The following MLIP variants were observed in gnomAD, a reference collection of about 807,000 sequenced individuals.
The protein encoded by MLIP is muscular LMNA-interacting protein.
Under a neutral mutation model 84.8 loss-of-function variants are expected in MLIP, and 79 were observed. That is an observed-to-expected ratio of 0.93 (90% confidence interval 0.78 to 1.12). The LOEUF (loss-of-function observed/expected upper bound fraction) is 1.12, where lower values mean the gene tolerates loss of function less well. MLIP is among the 50% of genes most tolerant of loss of function. MLIP has a pLI of 0.00. For missense variants in MLIP, 1,257 were observed against 1,160.6 expected (o/e 1.08, Z -1.21); for synonymous variants, 504 against 463.0 (o/e 1.09, Z -1.14).
intron 9 of MLIP, among the ~76,000 whole-genome samples, chr6:54,174,786 C>T (rs963336083): frequency 4.6e-5 from 7 of 151,634 alleles, no homozygotes; most frequent in South Asian, 2.1e-4. Flanking sequence ...CTTTGATTGC[C>T]GGTGCTTGTG....
Position 54,105,260 on chromosome 6 carries a change from G to A in MLIP, c.64-16187G>A, listed in dbSNP as rs144943310. On this transcript the variant is annotated intron_variant, in intron 1 of 12. Transcript: ENST00000274897. ...ATGGAATCTGACTGCTGTTACTTGC[G>A]TCCTGCTCCTTTCTTTAGCCCGTAT... Among the ~76,000 whole-genome samples, 16 of 152,162 alleles carry A rather than the reference G, an allele frequency of 1.1e-4. No homozygotes were observed. In the East Asian group the frequency reaches 2.3e-3, roughly 22 times the overall value.
chr6:54,162,305 G>A (rs972624781), intron 8 of MLIP, among the ~76,000 whole-genome samples: 20 of 152,006 alleles, frequency 1.3e-4, no homozygotes, highest in African/African-American at 2.4e-4. Flanking sequence ...ATTTCCTGAA[G>A]CATGAAAGAG....
At chr6:54,072,098 G>A (rs945041841) in intron 1 of MLIP, among the ~76,000 whole-genome samples, 4 of 152,046 alleles carry the variant, frequency 2.6e-5, no homozygotes, top group Middle Eastern at 3.2e-3. Context: ...AACTACTAAC[G>A]CCAGCTGATT....
intron 9 of MLIP, among the ~76,000 whole-genome samples, chr6:54,188,768 A>G (rs1022529500): frequency 8.5e-5 from 13 of 152,208 alleles, no homozygotes; most frequent in Admixed American, 7.2e-4. Flanking sequence ...CTCAGAATAA[A>G]AGAACATACC....
chr6:54,146,577 T>G (rs1772863188), intron 4 of MLIP, among the ~76,000 whole-genome samples: 1 of 152,220 alleles, frequency 6.6e-6, no homozygotes, highest in African/African-American at 2.4e-5. Context: ...AATTTTGTAC[T>G]AATTCTAACA....
intron 4 of MLIP, among the ~76,000 whole-genome samples, chr6:54,141,272 GC>G (rs1234471331): frequency 6.7e-6 from 1 of 149,052 alleles, no homozygotes; most frequent in Non-Finnish European, 1.5e-5. Flanking sequence ...TATAATCATT[GC>G]TTTAGATAGG....
intron 1 of MLIP, among the ~76,000 whole-genome samples, chr6:54,095,636 T>G (rs1294863920): frequency 6.6e-6 from 1 of 152,112 alleles, no homozygotes; most frequent in Non-Finnish European, 1.5e-5. Flanking sequence ...TGCTTTCTAA[T>G]GACATTTTCT....
At chr6:54,077,750 A>G (rs185016037) in intron 1 of MLIP, among the ~76,000 whole-genome samples, 24 of 152,324 alleles carry the variant, frequency 1.6e-4, no homozygotes, top group Admixed American at 1.1e-3. Context: ...CATACCACTT[A>G]TAAAGTTTGC....
chr6:54,240,717 C>A (rs1002998236), intron 12 of MLIP, among the ~76,000 whole-genome samples: 1 of 152,182 alleles, frequency 6.6e-6, no homozygotes, highest in Non-Finnish European at 1.5e-5. Context: ...TGGCTCACGC[C>A]TGTAATCCCA....
rs1259766717 is a variant in MLIP at position 54,137,643 on chromosome 6, G to A, written c.1574G>A (p.Arg525Lys). ...SSSLASMNVERTPSPTLKSNT... is the reference protein window; with the variant it reads ...SSSLASMNVEKTPSPTLKSNT... ...AGCCTTGCTTCCATGAATGTAGAGA[G>A]AACACCATCACCTACTTTGAAGAGC... The change falls in exon 4 of 14, where the codon AGA becomes AAA. Residue 525 changes from arginine to lysine, a missense_variant. Arg to Lys is a conservative substitution (Grantham distance 26). Coordinates refer to ENST00000502396, the MANE Select transcript of MLIP (RefSeq NM_001281747.2). The A allele has an allele frequency of 3.3e-6, 5 of 1,536,058 alleles. No homozygotes were observed. The highest frequency in any genetic ancestry group is 4.4e-6 in the Non-Finnish European group (5 of 1,146,878).
At position 54,266,004 on chromosome 6, in the gene MLIP, C is replaced by T; in HGVS notation, c.*49C>T. On this transcript the variant is annotated 3_prime_UTR_variant, in exon 14 of 14. Transcript: ENST00000502396. Reference sequence around the variant, plus strand: ...CAGGCTGCTGAAGTTTTTTGGAATGCTGGTGCTAACCACTTGCTAGATTTA... The same window carrying T: ...CAGGCTGCTGAAGTTTTTTGGAATGTTGGTGCTAACCACTTGCTAGATTTA... The T allele has an allele frequency of 1.3e-6, 2 of 1,597,020 alleles. No homozygotes were observed. The highest frequency in any genetic ancestry group is 2.2e-5 in the South Asian group (2 of 89,614).
intron 8 of MLIP, among the ~76,000 whole-genome samples, chr6:54,162,844 C>G (rs745874969): frequency 6.6e-6 from 1 of 151,906 alleles, no homozygotes; most frequent in Non-Finnish European, 1.5e-5. Context: ...ACACCGTGAG[C>G]GTCCTGTACA....
At chr6:54,181,392 C>T (rs1324155875) in intron 9 of MLIP, among the ~76,000 whole-genome samples, 1 of 60,872 alleles carries the variant, frequency 1.6e-5, no homozygotes, top group Non-Finnish European at 3.4e-5. Context: ...ACTTCCAGGC[C>T]AGGGACTCAC....
chr6:54,191,471 TG>T (rs1420810551), intron 10 of MLIP, among the ~76,000 whole-genome samples: 3 of 152,126 alleles, frequency 2.0e-5, no homozygotes, highest in Admixed American at 6.5e-5. Context: ...ACAGTGTGTG[TG>T]TGGGGGGGCA....
intron 5 of MLIP, among the ~76,000 whole-genome samples, chr6:54,151,392 T>G (rs1773429737): frequency 6.6e-6 from 1 of 152,200 alleles, no homozygotes; most frequent in South Asian, 2.1e-4. Flanking sequence ...TAATCATTTA[T>G]ACTCATCTGT....
In MLIP at chr6:54,266,176, A is replaced by G. The variant is rs1582669285; in HGVS notation, c.*221A>G. On this transcript the variant is annotated 3_prime_UTR_variant, in exon 14 of 14. Coordinates refer to ENST00000502396, the MANE Select transcript of MLIP (RefSeq NM_001281747.2). ...AGATTTACCTACAGCTTTTTGCACCACTGTTCTAGCCTTTAATGCCTTCTA... is the reference window on the plus strand; with the variant it reads ...AGATTTACCTACAGCTTTTTGCACCGCTGTTCTAGCCTTTAATGCCTTCTA... 1.7e-6 allele frequency: 1 copy of G among 572,896 alleles called. No homozygotes were observed. Among genetic ancestry groups the G allele is most frequent in the East Asian group, 2.9e-5 (1 of 34,466 alleles). The allele number at this position is 572,896 out of a possible 1,614,324, so 35.5% of individuals were successfully genotyped here.
chr6:54,247,490 G>A (rs1782162478), intron 12 of MLIP, among the ~76,000 whole-genome samples: 2 of 152,098 alleles, frequency 1.3e-5, no homozygotes, highest in Non-Finnish European at 2.9e-5. Flanking sequence ...GGACCATATA[G>A]TCAGACCATG....
rs1581980609 is a variant in MLIP, at chr6:54,026,894, C to T, written c.63+7803C>T. 2.0e-5 allele frequency among the ~76,000 whole-genome samples: 3 copies of T among 152,082 alleles called. 1 individual carries two copies. The East Asian group carries it at 5.8e-4, about 29-fold the overall frequency. ...TGTATGGCTTTGACAAATCACTTAA[C>T]CTTTGGCTTCTTTATCTACAAAGTG... is the stretch of plus-strand genomic sequence containing the variant. On this transcript the variant is annotated intron_variant, in intron 1 of 12. Coordinates refer to the MLIP transcript ENST00000274897.
intron 11 of MLIP, among the ~76,000 whole-genome samples, chr6:54,225,432 T>A (rs1477888625): frequency 2.6e-5 from 4 of 152,202 alleles, no homozygotes; most frequent in Admixed American, 1.3e-4. Context: ...CACCATTATA[T>A]ATGCAGTTCG....
Sources: gnomAD v4.1 joint callset for allele counts (sites outside exome capture counted in the v4.1 genomes callset) on GRCh38, gnomAD v4.1.1 for gene constraint, MANE v1.5 for transcripts, NCBI Gene and HGNC (gene_info 2026-07-23, HGNC 2026-07-21) for gene names.